Variants in FRMD4A observed in about 807,000 individuals in gnomAD.
FRMD4A encodes FERM domain containing 4A, also known as FERM domain-containing protein 4A.
Under a neutral mutation model 129.1 loss-of-function variants are expected in FRMD4A, and 29 were observed. That is an observed-to-expected ratio of 0.22 (90% confidence interval 0.17 to 0.31). The LOEUF (loss-of-function observed/expected upper bound fraction) is 0.31, where lower values mean the gene tolerates loss of function less well. Among genes scored for constraint, FRMD4A ranks in the 10% least tolerant of loss-of-function variants. FRMD4A has a pLI of 1.00. For missense variants in FRMD4A, 1,272 were observed against 1,375.8 expected (o/e 0.92, Z 1.19); for synonymous variants, 634 against 571.6 (o/e 1.11, Z -1.56).
intron 2 of FRMD4A, among the ~76,000 whole-genome samples, chr10:13,992,290 G>T (rs556757805): frequency 3.3e-5 from 5 of 152,282 alleles, no homozygotes; most frequent in Non-Finnish European, 5.9e-5. Context: ...GCTTTAAATT[G>T]GTTTCTTCTC....
chr10:13,832,729 G>A (rs12218226), intron 3 of FRMD4A, among the ~76,000 whole-genome samples: 19,897 of 152,102 alleles, frequency 0.13, 1,599 homozygotes, highest in East Asian at 0.28. Flanking sequence ...GCAGGCCAGG[G>A]GGTAGGTGGG....
At chr10:14,031,710 G>GCTGGAGCTATGTGACGAC (rs1833253605) in intron 2 of FRMD4A, among the ~76,000 whole-genome samples, 2 of 152,214 alleles carry the variant, frequency 1.3e-5, no homozygotes, top group African/African-American at 4.8e-5. Context: ...TGGAATAGGA[G>GCTGGAGCTATGTGACGAC]CTGGAGCTAT....
At chr10:14,166,628 GC>G (rs1271761813) in intron 2 of FRMD4A, among the ~76,000 whole-genome samples, 1 of 152,156 alleles carries the variant, frequency 6.6e-6, no homozygotes, top group Non-Finnish European at 1.5e-5. Context: ...CACTGGTAGA[GC>G]CCCCTTTACA....
intron 2 of FRMD4A, among the ~76,000 whole-genome samples, chr10:14,137,843 T>C (rs2400036): frequency 0.51 from 76,951 of 152,082 alleles, 20,538 homozygotes; most frequent in East Asian, 0.76. Context: ...CTCTCCTCTT[T>C]CCCCTTCTCT....
intron 4 of FRMD4A, among the ~76,000 whole-genome samples, chr10:13,797,382 C>CG (rs1358417677): frequency 1.2e-4 from 18 of 152,292 alleles, no homozygotes; most frequent in African/African-American, 4.1e-4. Flanking sequence ...CCTTTAATCC[C>CG]AGCACTTTGG....
Position 13,663,476 on chromosome 10 carries a change from G to T in FRMD4A, c.1637C>A (p.Ser546Ter). Residue 546 changes from serine (S) to a stop codon, truncating the protein, a stop_gained, in exon 19 of 25, where the codon TCA (serine) becomes TAA (stop). Coordinates refer to ENST00000357447, the MANE Select transcript of FRMD4A (RefSeq NM_018027.5). LOFTEE classifies it high-confidence loss of function. ...ACCATCCTCAAGAACAAGGGCATCT[G>T]AGAGGGAGCTGTCTTCACTGGCAAT... ...GNIASEDSSL[S>*]DALVLEDEDS... The T allele has an allele frequency of 6.4e-7, 1 of 1,562,416 alleles. No homozygotes were observed. Among genetic ancestry groups the T allele is most frequent in the Non-Finnish European group, 8.8e-7 (1 of 1,132,666 alleles).
At chr10:13,701,312 G>C (rs760294187) in intron 14 of FRMD4A, 28 bp downstream of exon 14, 2 of 1,601,374 alleles carry the variant, frequency 1.2e-6, no homozygotes, top group Middle Eastern at 1.7e-4. Flanking sequence ...ACAATGGCCC[G>C]GGCTTGGTGA....
chr10:14,065,280 T>C (rs767093645), intron 2 of FRMD4A, among the ~76,000 whole-genome samples: 1 of 152,148 alleles, frequency 6.6e-6, no homozygotes, highest in Non-Finnish European at 1.5e-5. Context: ...GCCTCCTGGG[T>C]TGAAGCAATT....
chr10:13,943,292 T>A (rs1463169364), intron 2 of FRMD4A, among the ~76,000 whole-genome samples: 4 of 152,090 alleles, frequency 2.6e-5, no homozygotes, highest in African/African-American at 9.7e-5. Context: ...GACCCAGGCC[T>A]GGTGGGAGGT....
At chr10:14,038,219 A>G (rs1381966741) in intron 2 of FRMD4A, among the ~76,000 whole-genome samples, 1 of 152,204 alleles carries the variant, frequency 6.6e-6, no homozygotes, top group African/African-American at 2.4e-5. Context: ...GCTTCTCGGG[A>G]GGCTGAGGCA....
At chr10:13,972,676 A>G in intron 2 of FRMD4A, among the ~76,000 whole-genome samples, 1 of 152,190 alleles carries the variant, frequency 6.6e-6, no homozygotes, top group East Asian at 1.9e-4. Context: ...GGAATTTCAT[A>G]AGTTGTTTTG....
intron 3 of FRMD4A, among the ~76,000 whole-genome samples, chr10:13,829,570 C>T (rs1032860996): frequency 6.6e-6 from 1 of 152,210 alleles, no homozygotes; most frequent in Non-Finnish European, 1.5e-5. Context: ...TCACAGGAGC[C>T]TTCAGTGACT....
chr10:13,750,065 GAAGGAAGAAAGA>G (rs1239540562), intron 8 of FRMD4A, among the ~76,000 whole-genome samples: 27 of 75,962 alleles, frequency 3.6e-4, no homozygotes, highest in Non-Finnish European at 5.4e-4. Flanking sequence ...AGGAAGGAAG[GAAGGAAGAAAGA>G]AAGAAAGAAA....
chr10:14,215,732 C>A (rs1473435219), intron 2 of FRMD4A, among the ~76,000 whole-genome samples: 1 of 151,926 alleles, frequency 6.6e-6, no homozygotes, highest in Non-Finnish European at 1.5e-5. Context: ...AGAATAGTGC[C>A]GGCATATGAG....
intron 3 of FRMD4A, among the ~76,000 whole-genome samples, chr10:13,824,578 T>C (rs986280983): frequency 7.9e-5 from 12 of 151,930 alleles, no homozygotes; most frequent in African/African-American, 2.9e-4. Flanking sequence ...AACAACTATA[T>C]AGCATTACAT....
chr10:13,923,687 T>C (rs2095098981), intron 2 of FRMD4A, among the ~76,000 whole-genome samples: 1 of 152,220 alleles, frequency 6.6e-6, no homozygotes, highest in South Asian at 2.1e-4. Flanking sequence ...TTTTAAAACC[T>C]GGACTATTGT....
intron 3 of FRMD4A, among the ~76,000 whole-genome samples, chr10:13,836,755 CTTTTTTTTTTT>C (rs35995042): frequency 9.1e-6 from 1 of 110,050 alleles, no homozygotes; most frequent in African/African-American, 3.7e-5. Flanking sequence ...CTCAGTGGTT[CTTTTTTTTTTT>C]TTTTTTTTTG....
intron 21 of FRMD4A, among the ~76,000 whole-genome samples, chr10:13,658,434 A>G (rs1055941592): frequency 1.3e-5 from 2 of 152,220 alleles, no homozygotes; most frequent in Admixed American, 6.5e-5. Flanking sequence ...ATGGCAGATG[A>G]TGTTGCCCGA....
intron 2 of FRMD4A, among the ~76,000 whole-genome samples, chr10:14,183,773 T>A (rs1841985754): frequency 6.6e-6 from 1 of 152,222 alleles, no homozygotes; most frequent in Admixed American, 6.5e-5. Flanking sequence ...ACAGAGACAC[T>A]CATGCCTGAG....
Sources: gnomAD v4.1 joint callset for allele counts (sites outside exome capture counted in the v4.1 genomes callset) on GRCh38, gnomAD v4.1.1 for gene constraint, MANE v1.5 for transcripts, NCBI Gene and HGNC (gene_info 2026-07-23, HGNC 2026-07-21) for gene names.